Variants in SHISA6 observed in about 807,000 individuals in gnomAD.
The protein encoded by SHISA6 is protein shisa-6.
SHISA6 carries 22 observed loss-of-function variants against 47.9 expected under a neutral mutation model. The ratio of observed to expected loss-of-function variants is 0.46; its 90% CI spans 0.33 to 0.66. The LOEUF (loss-of-function observed/expected upper bound fraction) is 0.66. Ranked by LOEUF, SHISA6 falls within the 30% of genes least tolerant of loss-of-function variation. The pLI is 0.02. For synonymous variants in SHISA6, 388 were observed against 337.8 expected, an observed-to-expected ratio of 1.15 and a Z score of -1.63; for missense variants, 680 against 764.6, an observed-to-expected ratio of 0.89 and a Z score of 1.30.
chr17:11,520,090 A>C (rs928655810), intron 3 of SHISA6, among the ~76,000 whole-genome samples: 24 of 152,152 alleles, frequency 1.6e-4, no homozygotes, highest in Admixed American at 1.1e-3. Context: ...CTCCATGTGG[A>C]TGATTCTCAA....
At chr17:11,456,187 G>A (rs560713607) in intron 3 of SHISA6, among the ~76,000 whole-genome samples, 8 of 152,274 alleles carry the variant, frequency 5.3e-5, no homozygotes, top group East Asian at 1.9e-4. Flanking sequence ...ACGGAGGACC[G>A]GAGGGAGGGA....
intron 2 of SHISA6, among the ~76,000 whole-genome samples, chr17:11,318,029 GA>G (rs1179451898): frequency 3.1e-4 from 47 of 152,172 alleles, no homozygotes; most frequent in African/African-American, 9.6e-4. Flanking sequence ...GCAAATCACA[GA>G]CATCACATAA....
chr17:11,366,802 G>A (rs1297834404), intron 2 of SHISA6, among the ~76,000 whole-genome samples: 1 of 152,170 alleles, frequency 6.6e-6, no homozygotes, highest in East Asian at 1.9e-4. Context: ...GAGGAGAAAT[G>A]GTGTATGTGG....
chr17:11,253,120 C>G (rs1056951627), intron 1 of SHISA6, among the ~76,000 whole-genome samples: 1 of 152,206 alleles, frequency 6.6e-6, no homozygotes, highest in Non-Finnish European at 1.5e-5. Context: ...GTGTCACTTT[C>G]GGTGTTCTGT....
At chr17:11,449,225 C>G (rs1202453719) in intron 3 of SHISA6, among the ~76,000 whole-genome samples, 5 of 151,872 alleles carry the variant, frequency 3.3e-5, no homozygotes. Flanking sequence ...GCACACTGCC[C>G]GAGCTCAGGA....
chr17:11,543,466 A>G (rs567166327), intron 3 of SHISA6, among the ~76,000 whole-genome samples: 1 of 152,304 alleles, frequency 6.6e-6, no homozygotes, highest in African/African-American at 2.4e-5. Flanking sequence ...AAAATGGTAC[A>G]ATATAAATAG....
At chr17:11,264,613 C>T (rs940194241) in intron 2 of SHISA6, among the ~76,000 whole-genome samples, 5 of 152,184 alleles carry the variant, frequency 3.3e-5, no homozygotes, top group Non-Finnish European at 5.9e-5. Flanking sequence ...GATCTGAAAT[C>T]TGCACATCTA....
At chr17:11,524,503 CTT>C (rs548959000) in intron 3 of SHISA6, among the ~76,000 whole-genome samples, 2 of 140,868 alleles carry the variant, frequency 1.4e-5, no homozygotes, top group African/African-American at 2.6e-5. Context: ...TTTCTTTTTT[CTT>C]TTTTTTTTTG....
chr17:11,455,946 G>A (rs1312865318), intron 3 of SHISA6, among the ~76,000 whole-genome samples: 1 of 152,142 alleles, frequency 6.6e-6, no homozygotes, highest in Non-Finnish European at 1.5e-5. Context: ...GTGCGTGAAG[G>A]ATTGAGGTTT....
chr17:11,433,418 T>C (rs933127190), intron 3 of SHISA6, among the ~76,000 whole-genome samples: 1 of 152,208 alleles, frequency 6.6e-6, no homozygotes, highest in African/African-American at 2.4e-5. Context: ...GAACTCATCC[T>C]TTTTTATGGC....
chr17:11,448,029 T>C (rs892638070), intron 3 of SHISA6, among the ~76,000 whole-genome samples: 1 of 152,122 alleles, frequency 6.6e-6, no homozygotes, highest in Non-Finnish European at 1.5e-5. Flanking sequence ...CGATCGTGAC[T>C]CACCCAGGAC....
chr17:11,359,037 T>C (rs1347917498), intron 2 of SHISA6, among the ~76,000 whole-genome samples: 1 of 152,234 alleles, frequency 6.6e-6, no homozygotes, highest in East Asian at 1.9e-4. Context: ...CATTCATTCA[T>C]TGATGGACAC....
At chr17:11,274,220 C>T (rs1016460145) in intron 2 of SHISA6, among the ~76,000 whole-genome samples, 4 of 152,242 alleles carry the variant, frequency 2.6e-5, no homozygotes, top group Middle Eastern at 3.4e-3. Flanking sequence ...CCCACGTGGC[C>T]GGGGGAGAAA....
At chr17:11,325,345 A>G (rs140211865) in intron 2 of SHISA6, among the ~76,000 whole-genome samples, 2 of 152,324 alleles carry the variant, frequency 1.3e-5, no homozygotes, top group African/African-American at 4.8e-5. Context: ...GACATCTGCA[A>G]TATTTCCTAA....
At chr17:11,384,949 C>T (rs567685413) in intron 3 of SHISA6, among the ~76,000 whole-genome samples, 2 of 152,284 alleles carry the variant, frequency 1.3e-5, no homozygotes, top group East Asian at 3.9e-4. Context: ...TCCATTAATT[C>T]CTCCACTAAA....
At chr17:11,496,259 C>G (rs2071407994) in intron 3 of SHISA6, among the ~76,000 whole-genome samples, 2 of 152,202 alleles carry the variant, frequency 1.3e-5, no homozygotes, top group South Asian at 4.1e-4. Context: ...AACCAATTTT[C>G]TGCCTCCCAA....
intron 2 of SHISA6, among the ~76,000 whole-genome samples, chr17:11,371,234 G>C (rs917861975): frequency 3.3e-5 from 5 of 152,190 alleles, no homozygotes; most frequent in Non-Finnish European, 5.9e-5. Context: ...TTAATGCAGA[G>C]AGGAGCACAG....
chr17:11,354,989 C>A (rs1253229478), intron 2 of SHISA6, among the ~76,000 whole-genome samples: 2 of 152,160 alleles, frequency 1.3e-5, no homozygotes, highest in Non-Finnish European at 2.9e-5. Context: ...ACCTCTACTC[C>A]AACACCTTAA....
intron 1 of SHISA6, among the ~76,000 whole-genome samples, chr17:11,248,568 C>T (rs1470289859): frequency 6.6e-6 from 1 of 152,198 alleles, no homozygotes; most frequent in Non-Finnish European, 1.5e-5. Context: ...ATGTGAGTTA[C>T]AGCCTTCTCC....
Sources: allele counts gnomAD v4.1 joint callset (sites outside exome capture counted in the v4.1 genomes callset), GRCh38; gene constraint gnomAD v4.1.1; transcripts MANE v1.5; gene names NCBI Gene and HGNC (gene_info 2026-07-23, HGNC 2026-07-21).